ARHGEF4: variants seen among roughly 807,000 people sequenced by gnomAD.
The protein encoded by ARHGEF4 is Rho guanine nucleotide exchange factor 4, also known as APC-stimulated guanine nucleotide exchange factor 1.
In ARHGEF4, 119 loss-of-function variants were observed where a neutral mutation model predicts 162.0. The ratio of observed to expected loss-of-function variants is 0.73; its 90% CI spans 0.63 to 0.86. The LOEUF is 0.86. Among genes scored for constraint, ARHGEF4 ranks in the 40% least tolerant of loss-of-function variants. The probability of loss-of-function intolerance (pLI) is 0.00; values close to 1 mark genes in which losing one functional copy is unlikely to be tolerated. For synonymous variants in ARHGEF4, 1,014 were observed against 979.9 expected, an observed-to-expected ratio of 1.03 and a Z score of -0.65; for missense variants, 2,488 against 2,456.0, an observed-to-expected ratio of 1.01 and a Z score of -0.28.
At chr2:130,840,850 G>A (rs1680554399) in intron 1 of ARHGEF4, among the ~76,000 whole-genome samples, 1 of 152,186 alleles carries the variant, frequency 6.6e-6, no homozygotes, top group Admixed American at 6.5e-5. Context: ...CTCTGTCCAG[G>A]AGGCTCTGGA....
At chr2:130,960,650 G>A (rs922723661) in intron 4 of ARHGEF4, among the ~76,000 whole-genome samples, 2 of 152,150 alleles carry the variant, frequency 1.3e-5, no homozygotes, top group African/African-American at 4.8e-5. Flanking sequence ...TGATGGTAAA[G>A]GGATCACCCA....
At chr2:130,901,841 ACCT>A (rs1680507164) in intron 1 of ARHGEF4, among the ~76,000 whole-genome samples, 1 of 151,442 alleles carries the variant, frequency 6.6e-6, no homozygotes, top group Non-Finnish European at 1.5e-5. Flanking sequence ...TTCTGAAAGA[ACCT>A]CCTTAAACTC....
chr2:130,849,423 A>T (rs1681238589), intron 1 of ARHGEF4, among the ~76,000 whole-genome samples: 1 of 151,990 alleles, frequency 6.6e-6, no homozygotes, highest in Admixed American at 6.6e-5. Flanking sequence ...CTGGCCTGTG[A>T]GGTGGGATGG....
intron 4 of ARHGEF4, among the ~76,000 whole-genome samples, chr2:131,014,133 G>A (rs1016590785): frequency 6.6e-6 from 1 of 152,100 alleles, no homozygotes; most frequent in Non-Finnish European, 1.5e-5. Context: ...ATTTGGTAAC[G>A]ATATTGCATT....
intron 1 of ARHGEF4, among the ~76,000 whole-genome samples, chr2:130,880,317 T>C (rs1679111555): frequency 6.6e-6 from 1 of 152,214 alleles, no homozygotes; most frequent in Non-Finnish European, 1.5e-5. Context: ...TTTGTACCCA[T>C]GTCCATCTGC....
At chr2:130,966,962 C>T (rs994223878) in intron 4 of ARHGEF4, among the ~76,000 whole-genome samples, 2 of 152,172 alleles carry the variant, frequency 1.3e-5, no homozygotes, top group African/African-American at 2.4e-5. Flanking sequence ...AACTGAACTG[C>T]ATTTCTCTCT....
intron 3 of ARHGEF4, among the ~76,000 whole-genome samples, chr2:130,945,263 G>T (rs1574276746): frequency 6.6e-6 from 1 of 151,880 alleles, no homozygotes; most frequent in East Asian, 1.9e-4. Context: ...GGAAAGCTGG[G>T]GCTTTCATTT....
At chr2:130,868,214 C>A (rs868772328) in intron 1 of ARHGEF4, among the ~76,000 whole-genome samples, 2 of 152,006 alleles carry the variant, frequency 1.3e-5, no homozygotes, top group African/African-American at 2.4e-5. Flanking sequence ...AGTGAGCCAC[C>A]ACACCCGGCC....
chr2:130,959,617 T>A (rs1684515449), intron 4 of ARHGEF4, among the ~76,000 whole-genome samples: 1 of 151,926 alleles, frequency 6.6e-6, no homozygotes, highest in Non-Finnish European at 1.5e-5. Context: ...CAGACATTGC[T>A]AGGTGTGACT....
chr2:131,046,225 C>T lies in ARHGEF4; in HGVS notation c.*36C>T. 1.9e-6 allele frequency: 3 copies of T among 1,577,300 alleles called. No homozygotes were observed. The highest frequency in any genetic ancestry group is 2.6e-6 in the Non-Finnish European group (3 of 1,155,954). On this transcript the variant is annotated 3_prime_UTR_variant, in exon 14 of 14. Coordinates refer to ENST00000409359, the MANE Select transcript of ARHGEF4 (RefSeq NM_001367493.1). ...GCCTGACAGCACCTGCTGGGCCTTC[C>T]TGCCAGTGGCCCCCAGTTTTTCTTC...
chr2:130,988,901 T>TATATATAGAGAG (rs1469212068), intron 4 of ARHGEF4, among the ~76,000 whole-genome samples: 44 of 113,380 alleles, frequency 3.9e-4, no homozygotes, highest in South Asian at 1.0e-3. Flanking sequence ...TATATATATA[T>TATATATAGAGAG]AGAGAGAGAG....
At chr2:131,007,443 G>C (rs977982862) in intron 4 of ARHGEF4, among the ~76,000 whole-genome samples, 1 of 152,010 alleles carries the variant, frequency 6.6e-6, no homozygotes, top group Admixed American at 6.6e-5. Context: ...CTTTTTATAG[G>C]CTAGGGTATT....
At chr2:130,985,780 ATG>A (rs1334071412) in intron 4 of ARHGEF4, among the ~76,000 whole-genome samples, 1 of 151,204 alleles carries the variant, frequency 6.6e-6, no homozygotes, top group Non-Finnish European at 1.5e-5. Flanking sequence ...CATGCATGAT[ATG>A]TGTTTTGTGT....
At chr2:131,019,785 C>T (rs1455553705) in intron 4 of ARHGEF4, among the ~76,000 whole-genome samples, 1 of 152,126 alleles carries the variant, frequency 6.6e-6, no homozygotes, top group African/African-American at 2.4e-5. Context: ...AGGCGCCTGC[C>T]ACCACGGCCG....
At chr2:131,012,194 A>G (rs143635899) in intron 4 of ARHGEF4, among the ~76,000 whole-genome samples, 32 of 152,074 alleles carry the variant, frequency 2.1e-4, no homozygotes, top group Non-Finnish European at 1.5e-4. Flanking sequence ...TGTAGGCAGA[A>G]CAGCTAGAGA....
At chr2:130,957,070 C>A (rs144508555) in intron 4 of ARHGEF4, among the ~76,000 whole-genome samples, 1 of 152,170 alleles carries the variant, frequency 6.6e-6, no homozygotes, top group East Asian at 1.9e-4. Flanking sequence ...TCAGGGATTA[C>A]AGGCTCTTCT....
intron 1 of ARHGEF4, among the ~76,000 whole-genome samples, chr2:130,868,910 C>T (rs757265107): frequency 2.7e-4 from 41 of 152,352 alleles, no homozygotes; most frequent in African/African-American, 5.8e-4. Context: ...ATGGCACCCC[C>T]GTCCTTAAAG....
At chr2:130,924,543 G>A (rs1682112227) in intron 2 of ARHGEF4, among the ~76,000 whole-genome samples, 3 of 152,172 alleles carry the variant, frequency 2.0e-5, no homozygotes, top group Non-Finnish European at 4.4e-5. Flanking sequence ...GTGTGTGTAT[G>A]ATGCAGACCA....
chr2:130,915,771 G>T lies in ARHGEF4; in HGVS notation c.1825G>T (p.Gly609Trp), dbSNP rs1681445041. 1 of 1,528,904 alleles carries T rather than the reference G, an allele frequency of 6.5e-7. No homozygotes were observed. Among genetic ancestry groups the T allele is most frequent in the South Asian group, 1.2e-5 (1 of 80,788 alleles). 94.7% of individuals were successfully genotyped at this position (1,528,904 alleles called of 1,614,324 possible). Residue 609 changes from glycine (G) to tryptophan (W), a missense_variant, in exon 2 of 14, where the codon GGG (glycine) becomes TGG (tryptophan). Gly to Trp is a radical substitution (Grantham distance 184, BLOSUM62 -2). Around this residue, in one of 6 missense-constraint regions of ARHGEF4, gnomAD observed 1,642 missense variants for 1,481.5 expected, o/e 1.11. Transcript: ENST00000409359. ...PGAEEGEQGP[G>W]GAGGRQLEPK... is the part of the protein sequence containing the mutation. ...GGCTGAGGAGGGTGAACAGGGGCCTGGGGGTGCCGGGGGCCGGCAGCTGGA... is the reference window on the plus strand; with the variant it reads ...GGCTGAGGAGGGTGAACAGGGGCCTTGGGGTGCCGGGGGCCGGCAGCTGGA...
Sources: gnomAD v4.1 joint callset for allele counts (sites outside exome capture counted in the v4.1 genomes callset) on GRCh38, gnomAD v4.1.1 for gene constraint, gnomAD v4.1.1 regional missense constraint, MANE v1.5 for transcripts, NCBI Gene and HGNC (gene_info 2026-07-23, HGNC 2026-07-21) for gene names.